VPS53: variants seen among roughly 807,000 people sequenced by gnomAD.
VPS53 encodes the protein vacuolar protein sorting-associated protein 53 homolog.
VPS53 carries 70 observed loss-of-function variants against 107.0 expected under a neutral mutation model. The ratio of observed to expected loss-of-function variants is 0.65; its 90% CI spans 0.54 to 0.80. The LOEUF is 0.80. Among genes scored for constraint, VPS53 ranks in the 30% least tolerant of loss-of-function variants. The pLI, the probability that VPS53 is intolerant of heterozygous loss-of-function variation, is 0.00. For synonymous variants in VPS53, 409 were observed against 393.3 expected, an observed-to-expected ratio of 1.04 and a Z score of -0.47; for missense variants, 917 against 1,049.4, an observed-to-expected ratio of 0.87 and a Z score of 1.74.
chr17:698,057 C>T (rs919021233), intron 3 of VPS53, among the ~76,000 whole-genome samples: 1 of 152,176 alleles, frequency 6.6e-6, no homozygotes, highest in African/African-American at 2.4e-5. Flanking sequence ...AAGGGATACA[C>T]ATATAAGCCC....
intron 13 of VPS53, among the ~76,000 whole-genome samples, chr17:580,301 G>A (rs11247584): frequency 0.22 from 32,088 of 144,372 alleles, 3,969 homozygotes; most frequent in Non-Finnish European, 0.29. Flanking sequence ...AACCTAATGC[G>A]TTCCCAGAGA....
At chr17:566,360 C>A (rs1318942116) in intron 13 of VPS53, among the ~76,000 whole-genome samples, 1 of 152,200 alleles carries the variant, frequency 6.6e-6, no homozygotes, top group East Asian at 1.9e-4. Context: ...CCTCTATCAA[C>A]TGAAGTTGGT....
chr17:600,273 C>T (rs149581222), intron 12 of VPS53, among the ~76,000 whole-genome samples: 10 of 152,314 alleles, frequency 6.6e-5, no homozygotes, highest in African/African-American at 2.4e-4. Flanking sequence ...TGCACAATTT[C>T]GGACATGACC....
chr17:681,188 G>A (rs1204654383), intron 4 of VPS53, among the ~76,000 whole-genome samples: 1 of 152,180 alleles, frequency 6.6e-6, no homozygotes, highest in African/African-American at 2.4e-5. Flanking sequence ...CCAGGCTGGA[G>A]TGCAGTGGTG....
At chr17:708,799 T>G (rs1342082006) in intron 2 of VPS53, among the ~76,000 whole-genome samples, 5 of 152,250 alleles carry the variant, frequency 3.3e-5, no homozygotes, top group Non-Finnish European at 5.9e-5. Context: ...TTGGTCGTAA[T>G]AATGAAACAA....
At chr17:574,091 TCTGA>T (rs1044576610) in intron 13 of VPS53, among the ~76,000 whole-genome samples, 12 of 152,200 alleles carry the variant, frequency 7.9e-5, no homozygotes, top group African/African-American at 2.2e-4. Context: ...CATTATTTTG[TCTGA>T]CTATCTCTCT....
intron 2 of VPS53, among the ~76,000 whole-genome samples, chr17:707,770 A>C (rs762324440): frequency 1.3e-5 from 2 of 151,066 alleles, no homozygotes; most frequent in Non-Finnish European, 2.9e-5. Flanking sequence ...TGGGAGCGCT[A>C]GAGTTCGGGA....
At chr17:652,519 T>G (rs1425804875) in intron 7 of VPS53, among the ~76,000 whole-genome samples, 2 of 151,866 alleles carry the variant, frequency 1.3e-5, no homozygotes, top group Non-Finnish European at 2.9e-5. Flanking sequence ...CACCTTACCG[T>G]GAGGAAGTCC....
chr17:673,215 C>G (rs1176807333), intron 4 of VPS53, among the ~76,000 whole-genome samples: 3 of 152,122 alleles, frequency 2.0e-5, no homozygotes, highest in African/African-American at 7.2e-5. Flanking sequence ...GCTACCACAT[C>G]TGATAAGCCC....
intron 19 of VPS53, among the ~76,000 whole-genome samples, chr17:527,560 TG>T (rs1371555008): frequency 6.6e-6 from 1 of 152,184 alleles, no homozygotes; most frequent in Non-Finnish European, 1.5e-5. Flanking sequence ...CCAGCACATA[TG>T]AAAGTTCCAG....
intron 11 of VPS53, among the ~76,000 whole-genome samples, chr17:622,523 G>A (rs1285205238): frequency 1.3e-5 from 2 of 152,032 alleles, no homozygotes; most frequent in South Asian, 2.1e-4. Context: ...CACTCTGCAC[G>A]ACTCGAGGAG....
At chr17:567,084 C>T (rs946657971) in intron 13 of VPS53, among the ~76,000 whole-genome samples, 3 of 152,148 alleles carry the variant, frequency 2.0e-5, no homozygotes, top group African/African-American at 7.2e-5. Flanking sequence ...ACGCGCCAGC[C>T]AACTCTGATG....
chr17:586,524 G>T (rs1293945486), intron 12 of VPS53, among the ~76,000 whole-genome samples, 160 bp from the exon 13 acceptor site: 1 of 152,182 alleles, frequency 6.6e-6, no homozygotes, highest in Admixed American at 6.5e-5. Flanking sequence ...CCTGGCAGGT[G>T]AAGAAAAACC....
intron 11 of VPS53, among the ~76,000 whole-genome samples, chr17:603,830 A>G (rs1002460408): frequency 2.0e-5 from 3 of 152,228 alleles, no homozygotes; most frequent in African/African-American, 7.2e-5. Flanking sequence ...TTTTAGAGAG[A>G]GAGGAATAGT....
Position 511,289 on chromosome 17 carries a change from C to T in VPS53, c.*7839G>A, listed in dbSNP as rs550910910. On this transcript the variant is annotated 3_prime_UTR_variant, in exon 22 of 22. Coordinates refer to ENST00000437048, the MANE Select transcript of VPS53 (RefSeq NM_001128159.3). The stretch of plus-strand genomic sequence containing the variant: ...TCTTGCCACCATTTCACCTGAGACC[C>T]CTGAAAGCTGCAGCCCACACTGCAA... The T allele has an allele frequency of 6.6e-6, 1 of 152,224 alleles. No homozygotes were observed. The highest frequency in any genetic ancestry group is 6.5e-5 in the Admixed American group (1 of 15,292). The allele number at this position is 152,224 out of a possible 1,614,324, so 9.4% of individuals were successfully genotyped here. A position where few individuals can be genotyped will look rare whatever the true frequency, so the allele number is the denominator to read the frequency against.
rs1567587694 is a variant in VPS53, at chr17:510,489, G to GGCTTGTCTCCTTGCTAGTCACGTATCA, written c.*8638_*8639insTGATACGTGACTAGCAAGGAGACAAGC. 2 of 39,984 alleles carry GGCTTGTCTCCTTGCTAGTCACGTATCA rather than the reference G, an allele frequency of 5.0e-5. No homozygotes were observed. Among genetic ancestry groups the GGCTTGTCTCCTTGCTAGTCACGTATCA allele is most frequent in the African/African-American group, 4.3e-4 (2 of 4,608 alleles). The allele number at this position is 39,984 out of a possible 1,614,324, so 2.5% of individuals were successfully genotyped here. On this transcript the variant is annotated 3_prime_UTR_variant, in exon 22 of 22. Transcript: ENST00000437048. ...GCTGACCCCTTACTAGTCACATATTGAATCCTGGCTGACCCCTTACTAGTC... is the reference window on the plus strand; with the variant it reads ...GCTGACCCCTTACTAGTCACATATTGGCTTGTCTCCTTGCTAGTCACGTATCAAATCCTGGCTGACCCCTTACTAGTC...
chr17:529,707 A>G (rs1040611350), intron 19 of VPS53, among the ~76,000 whole-genome samples: 2 of 152,036 alleles, frequency 1.3e-5, no homozygotes, highest in African/African-American at 4.8e-5. Flanking sequence ...TACATTTTTA[A>G]TTTACTCCTA....
chr17:636,657 T>A (rs2143248231), intron 7 of VPS53, among the ~76,000 whole-genome samples: 2 of 152,384 alleles, frequency 1.3e-5, no homozygotes, highest in African/African-American at 4.8e-5. Context: ...AGGCCTTTTC[T>A]GCATCTATTG....
intron 13 of VPS53, among the ~76,000 whole-genome samples, chr17:568,048 T>C (rs1913703648): frequency 6.6e-6 from 1 of 152,028 alleles, no homozygotes; most frequent in South Asian, 2.1e-4. Flanking sequence ...AGAAAAAATA[T>C]GCCATTGCAG....
Sources: gnomAD v4.1 joint callset for allele counts (sites outside exome capture counted in the v4.1 genomes callset) on GRCh38, gnomAD v4.1.1 for gene constraint, MANE v1.5 for transcripts, NCBI Gene and HGNC (gene_info 2026-07-23, HGNC 2026-07-21) for gene names.